The following TASOR variants were observed in gnomAD, a reference collection of about 807,000 sequenced individuals.
The protein encoded by TASOR is transcription activation suppressor, also known as protein TASOR.
TASOR carries 53 observed loss-of-function variants against 178.6 expected under a neutral mutation model. The ratio of observed to expected loss-of-function variants is 0.30; its 90% CI spans 0.24 to 0.37. The LOEUF (loss-of-function observed/expected upper bound fraction) is 0.37. Ranked by LOEUF, TASOR falls within the 10% of genes least tolerant of loss-of-function variation. TASOR has a pLI of 1.00. For missense variants in TASOR, 1,815 were observed against 1,971.4 expected (o/e 0.92, Z 1.50); for synonymous variants, 713 against 696.2 (o/e 1.02, Z -0.38).
intron 17 of TASOR, among the ~76,000 whole-genome samples, chr3:56,637,394 T>C (rs371973464): frequency 1.6e-4 from 25 of 152,278 alleles, no homozygotes; most frequent in East Asian, 3.9e-4. Flanking sequence ...CGGTGGCACA[T>C]GCCTGTAATC....
At position 56,628,423 on chromosome 3, in the gene TASOR, G is replaced by A. The variant is rs1049340413; in HGVS notation, c.3870+69C>T. 1.1e-5 allele frequency: 15 copies of A among 1,363,744 alleles called. No homozygotes were observed. In the Admixed American group the frequency reaches 3.1e-4, roughly 28 times the overall value. 84.5% of individuals were successfully genotyped at this position (1,363,744 alleles called of 1,614,324 possible). A position where few individuals can be genotyped will look rare whatever the true frequency, so the allele number is the denominator to read the frequency against. ...AGCTTATTTTAAAAACACTAGTCTG[G>A]CAGACAGTAAGATTTTAAAATAAGG... On this transcript the variant is annotated intron_variant, in intron 19 of 23. Transcript: ENST00000683822.
rs191509999 is a variant in TASOR, at chr3:56,653,031, G to A, written c.1369-3974C>T. Among the ~76,000 whole-genome samples the A allele has an allele frequency of 1.6e-3, 247 of 152,128 alleles. 1 individual carries two copies. The highest frequency in any genetic ancestry group is 5.7e-3 in the African/African-American group (238 of 41,544). ...TGTAATCCCAGCACTTTGGGAGGCC[G>A]AGGCCAGTGGATCACCTGAGGTCAG... On this transcript the variant is annotated intron_variant, in intron 11 of 23. Transcript: ENST00000683822.
intron 1 of TASOR, among the ~76,000 whole-genome samples, chr3:56,674,996 T>C (rs932374866): frequency 3.9e-5 from 6 of 152,040 alleles, no homozygotes; most frequent in African/African-American, 1.4e-4. Context: ...TTTTTGTGTG[T>C]GTGTGTTTTT....
At chr3:56,638,598 G>T in intron 17 of TASOR, 108 bp downstream of exon 17, 1 of 1,077,674 alleles carries the variant, frequency 9.3e-7, no homozygotes, top group Non-Finnish European at 1.4e-6. Flanking sequence ...CAAATTTTCT[G>T]TAATTAAAAA....
intron 11 of TASOR, among the ~76,000 whole-genome samples, chr3:56,652,742 C>T (rs1369768590): frequency 1.3e-5 from 2 of 151,990 alleles, no homozygotes; most frequent in Non-Finnish European, 2.9e-5. Flanking sequence ...AATAACCAGG[C>T]AGATCCAAAA....
chr3:56,624,823 T>C lies in TASOR; in HGVS notation c.4318+5A>G. 6.2e-7 allele frequency: 1 copy of C among 1,613,930 alleles called. No homozygotes were observed. The highest frequency in any genetic ancestry group is 8.5e-7 in the Non-Finnish European group (1 of 1,179,886). On this transcript the variant is annotated splice_donor_5th_base_variant and intron_variant, in intron 22 of 23. Coordinates refer to ENST00000683822, the MANE Select transcript of TASOR (RefSeq NM_001365635.2). ...TAGTAGAAAGCTTAGGAGTGCTCTC[T>C]TTACCTGTTAAAAAGACTATGTGTC...
chr3:56,623,009 C>G lies in TASOR; in HGVS notation c.*28G>C, dbSNP rs1302992241. ...AATTGTTAATAAACAAAGTCCACAA[C>G]AATCTCTTAAAAAAAAAGTTACTAC... On this transcript the variant is annotated 3_prime_UTR_variant, in exon 24 of 24. Transcript: ENST00000683822. 1 of 1,405,260 alleles carries G rather than the reference C, an allele frequency of 7.1e-7. No homozygotes were observed. Among genetic ancestry groups the G allele is most frequent in the African/African-American group, 1.4e-5 (1 of 69,296 alleles). The allele number at this position is 1,405,260 out of a possible 1,614,324, so 87.0% of individuals were successfully genotyped here.
Position 56,641,864 on chromosome 3 carries a change from C to A in TASOR, c.2216-112G>T. On this transcript the variant is annotated intron_variant, in intron 14 of 23. Coordinates refer to ENST00000683822, the MANE Select transcript of TASOR (RefSeq NM_001365635.2). ...AAAGCATTTATGGTCAGGAACTCAA[C>A]CAATTTGCTTAGACTTTACAAATAT... is the stretch of plus-strand genomic sequence containing the variant. 2.7e-6 allele frequency: 3 copies of A among 1,101,690 alleles called. No individual in the cohort carries two copies. In the South Asian group the frequency reaches 5.4e-5, roughly 20 times the overall value. The allele number at this position is 1,101,690 out of a possible 1,614,324, so 68.2% of individuals were successfully genotyped here.
At chr3:56,650,967 T>C (rs2077340367) in intron 11 of TASOR, among the ~76,000 whole-genome samples, 1 of 152,266 alleles carries the variant, frequency 6.6e-6, no homozygotes, top group Non-Finnish European at 1.5e-5. Flanking sequence ...AAGATTTTCA[T>C]GTTTTGTGCT....
intron 11 of TASOR, among the ~76,000 whole-genome samples, chr3:56,656,074 A>G (rs754566112): frequency 1.3e-5 from 2 of 152,248 alleles, no homozygotes; most frequent in Non-Finnish European, 2.9e-5. Flanking sequence ...CTGAAACTAC[A>G]GAAAGCAAAA....
chr3:56,665,348 T>A (rs770519317), intron 7 of TASOR, among the ~76,000 whole-genome samples: 1 of 151,978 alleles, frequency 6.6e-6, no homozygotes, highest in Non-Finnish European at 1.5e-5. Context: ...AAATCTCACT[T>A]TTTTGTTGTT....
rs371294093 is a variant in TASOR, at chr3:56,640,113, G to C, written c.2637C>G (p.Ser879Arg). Residue 879 changes from serine (S) to arginine (R), a missense_variant, in exon 16 of 24, where the codon AGC becomes AGG. By Grantham distance (110) the Ser-to-Arg change is moderately radical. Transcript: ENST00000683822. ...AACTGCAATCTTCAAAATTATTCAC[G>C]CTAATTAAATTTGGATCCTAAAAAT... ...LHLKEDPNLI[S>R]VNNFEDCSLC... 2 of 1,612,332 alleles carry C rather than the reference G, an allele frequency of 1.2e-6. No individual in the cohort carries two copies. Among genetic ancestry groups the C allele is most frequent in the Non-Finnish European group, 1.7e-6 (2 of 1,179,352 alleles).
At chr3:56,624,700 A>G in intron 22 of TASOR, 57 bp from the exon 23 acceptor site, 1 of 1,554,388 alleles carries the variant, frequency 6.4e-7, no homozygotes, top group Non-Finnish European at 8.7e-7. Flanking sequence ...GACAGCCCCT[A>G]GCCCTCACAA....
intron 16 of TASOR, among the ~76,000 whole-genome samples, chr3:56,639,760 C>A (rs2077085477): frequency 1.3e-5 from 2 of 148,530 alleles, no homozygotes; most frequent in African/African-American, 4.9e-5. Context: ...TGTCTTAAAT[C>A]CCTGTTTTTA....
intron 14 of TASOR, among the ~76,000 whole-genome samples, chr3:56,643,294 G>A (rs564675094): frequency 1.1e-4 from 16 of 151,802 alleles, no homozygotes; most frequent in African/African-American, 2.7e-4. Context: ...ATATTGGAGC[G>A]GTGATTACAC....
chr3:56,623,114 A>G lies in TASOR; in HGVS notation c.4936T>C (p.Leu1646=). 1 of 1,613,250 alleles carries G rather than the reference A, an allele frequency of 6.2e-7. No individual in the cohort carries two copies. The highest frequency in any genetic ancestry group is 8.5e-7 in the Non-Finnish European group (1 of 1,179,636). Residue 1646 remains leucine (L), a synonymous_variant, in exon 24 of 24, where the codon TTG becomes CTG. Coordinates refer to ENST00000683822, the MANE Select transcript of TASOR (RefSeq NM_001365635.2). ...GGAGGTGGAGATTTATCTCTATCCA[A>G]GCTTTCAGTATAAGCAGATAAGAAG... ...NYFLSAYTES[L]DRDKSPPPLS... is the part of the protein sequence containing the mutation.
chr3:56,679,301 G>C (rs1460696181), intron 1 of TASOR, among the ~76,000 whole-genome samples: 1 of 152,096 alleles, frequency 6.6e-6, no homozygotes, highest in East Asian at 1.9e-4. Context: ...ACATCAACAA[G>C]GTTGAACATA....
chr3:56,626,384 G>A (rs779327706), intron 21 of TASOR, among the ~76,000 whole-genome samples: 13 of 152,168 alleles, frequency 8.5e-5, no homozygotes, highest in African/African-American at 2.7e-4. Context: ...AATTTTATTA[G>A]CTACCTATAA....
chr3:56,660,771 T>C lies in TASOR; in HGVS notation c.1328A>G (p.Asn443Ser). The C allele has an allele frequency of 6.2e-7, 1 of 1,613,742 alleles. No homozygotes were observed. The highest frequency in any genetic ancestry group is 8.5e-7 in the Non-Finnish European group (1 of 1,179,964). Residue 443 changes from asparagine to serine, a missense_variant, in exon 11 of 24, where the codon AAC (asparagine) becomes AGC (serine). Physicochemically the swap from Asn to Ser is conservative, Grantham distance 46 (BLOSUM62 1). This residue lies in a region of TASOR where 504 missense variants were observed against 645.3 expected (regional missense o/e 0.78). Coordinates refer to ENST00000683822, the MANE Select transcript of TASOR (RefSeq NM_001365635.2). ...TAGTTTTTGCAGTAAACTCTCCATGTTACTTCCAATTCTTGTCTTTTCCAC... is the reference window on the plus strand; with the variant it reads ...TAGTTTTTGCAGTAAACTCTCCATGCTACTTCCAATTCTTGTCTTTTCCAC... ...EVVEKTRIGS[N>S]MESLLQKLDR...
Sources: gnomAD v4.1 joint callset for allele counts (sites outside exome capture counted in the v4.1 genomes callset) on GRCh38, gnomAD v4.1.1 for gene constraint, gnomAD v4.1.1 regional missense constraint, MANE v1.5 for transcripts, NCBI Gene and HGNC (gene_info 2026-07-23, HGNC 2026-07-21) for gene names.